The following DNAH12 variants were observed in gnomAD, a reference collection of about 807,000 sequenced individuals.
The protein encoded by DNAH12 is dynein axonemal heavy chain 12, also known as axonemal beta dynein heavy chain 12.
DNAH12 carries 285 observed loss-of-function variants against 371.5 expected under a neutral mutation model. The observed-to-expected ratio is 0.77, with a 90% CI of 0.70 to 0.85. The LOEUF is 0.85. DNAH12 is among the 40% of genes least tolerant of loss of function. The pLI is 0.00. For synonymous variants in DNAH12, 1,200 were observed against 1,213.0 expected (o/e 0.99, Z 0.22); for missense variants, 3,611 against 3,689.4 (o/e 0.98, Z 0.55).
chr3:57,349,219 T>C (rs1168715118), intron 60 of DNAH12, among the ~76,000 whole-genome samples: 2 of 152,232 alleles, frequency 1.3e-5, no homozygotes, highest in African/African-American at 4.8e-5. Flanking sequence ...AACAAGCATA[T>C]GGAAAAATGC....
At chr3:57,361,465 T>TATAC (rs2062933599) in intron 58 of DNAH12, among the ~76,000 whole-genome samples, 2 of 141,134 alleles carry the variant, frequency 1.4e-5, no homozygotes, top group African/African-American at 5.8e-5. Flanking sequence ...TATATATATA[T>TATAC]ATATATCTCA....
chr3:57,512,219 T>A (rs1002813557), intron 4 of DNAH12, among the ~76,000 whole-genome samples: 10 of 152,172 alleles, frequency 6.6e-5, no homozygotes, highest in Non-Finnish European at 1.5e-4. Flanking sequence ...TTAAGGACAT[T>A]ATGCTAAGTG....
chr3:57,441,205 G>A (rs931616347), intron 29 of DNAH12, among the ~76,000 whole-genome samples: 1 of 152,022 alleles, frequency 6.6e-6, no homozygotes, highest in African/African-American at 2.4e-5. Context: ...GCAGAAAAGA[G>A]AACTCTCTAA....
intron 12 of DNAH12, among the ~76,000 whole-genome samples, chr3:57,487,597 C>T (rs1315744842): frequency 6.6e-6 from 1 of 151,994 alleles, no homozygotes; most frequent in Non-Finnish European, 1.5e-5. Context: ...CTAAACCAAA[C>T]GGTGAAGTAA....
intron 73 of DNAH12, among the ~76,000 whole-genome samples, 196 bp downstream of exon 73, chr3:57,295,329 G>A (rs1217970759): frequency 1.3e-5 from 2 of 151,986 alleles, no homozygotes; most frequent in Non-Finnish European, 2.9e-5. Flanking sequence ...AAGCAGCATG[G>A]TATTCCCAAA....
chr3:57,551,693 T>G, the DNAH12 span, among the ~76,000 whole-genome samples: 1 of 152,160 alleles, frequency 6.6e-6, no homozygotes, highest in Non-Finnish European at 1.5e-5. Flanking sequence ...TTTATATCAG[T>G]ATTTGCAGAC....
At chr3:57,478,230 G>A (rs913657424) in intron 13 of DNAH12, among the ~76,000 whole-genome samples, 4 of 152,122 alleles carry the variant, frequency 2.6e-5, no homozygotes, top group Non-Finnish European at 5.9e-5. Flanking sequence ...AGTCCTTAAA[G>A]GACCTGATGG....
At chr3:57,321,769 C>G (rs991947812) in intron 65 of DNAH12, among the ~76,000 whole-genome samples, 6 of 152,164 alleles carry the variant, frequency 3.9e-5, no homozygotes, top group African/African-American at 1.4e-4. Flanking sequence ...GGTTACCATA[C>G]ATTTATACTT....
chr3:57,461,727 G>A, intron 18 of DNAH12, 38 bp from the exon 19 acceptor site: 1 of 1,493,890 alleles, frequency 6.7e-7, no homozygotes, highest in Non-Finnish European at 9.1e-7. Flanking sequence ...GGATGGTGAA[G>A]AAAGGATCTT....
intron 11 of DNAH12, among the ~76,000 whole-genome samples, chr3:57,499,462 C>T (rs1051561674): frequency 6.7e-6 from 1 of 148,522 alleles, no homozygotes; most frequent in African/African-American, 2.5e-5. Flanking sequence ...TAGCAAAATC[C>T]TAGAATGTAG....
chr3:57,499,824 T>C (rs112095454), intron 11 of DNAH12, among the ~76,000 whole-genome samples: 1,510 of 145,038 alleles, frequency 0.01, 18 homozygotes, highest in African/African-American at 0.036. Flanking sequence ...GGCAAGAGAG[T>C]GAGACCCTGT....
At chr3:57,501,061 A>G (rs912068660) in intron 11 of DNAH12, among the ~76,000 whole-genome samples, 6 of 152,252 alleles carry the variant, frequency 3.9e-5, no homozygotes, top group Non-Finnish European at 8.8e-5. Flanking sequence ...GATTACAGGC[A>G]TGAGCCACCA....
chr3:57,521,806 G>A (rs1177020894), intron 4 of DNAH12, among the ~76,000 whole-genome samples: 2 of 152,138 alleles, frequency 1.3e-5, no homozygotes, highest in Non-Finnish European at 2.9e-5. Context: ...AGAATCGCTT[G>A]AACCCGGGAG....
intron 4 of DNAH12, among the ~76,000 whole-genome samples, chr3:57,518,137 A>T (rs986419029): frequency 4.6e-5 from 7 of 152,168 alleles, no homozygotes. Context: ...AACAGCTGTT[A>T]CATTTTACTG....
chr3:57,479,631 C>T (rs764819215), intron 13 of DNAH12, among the ~76,000 whole-genome samples: 3 of 152,156 alleles, frequency 2.0e-5, no homozygotes, highest in Non-Finnish European at 2.9e-5. Context: ...CTTCTCAGCA[C>T]CACACAGCAC....
chr3:57,503,092 C>A (rs1360033778), intron 9 of DNAH12, among the ~76,000 whole-genome samples: 2 of 152,258 alleles, frequency 1.3e-5, no homozygotes, highest in Middle Eastern at 3.4e-3. Flanking sequence ...TGTAGTCTAA[C>A]ATAAAACAAG....
intron 11 of DNAH12, among the ~76,000 whole-genome samples, chr3:57,494,575 C>A: frequency 6.6e-6 from 1 of 151,588 alleles, no homozygotes; most frequent in Non-Finnish European, 1.5e-5. Context: ...CAAAACAAAA[C>A]AAAACATTGT....
At chr3:57,343,661 A>T (rs2062461781) in intron 60 of DNAH12, among the ~76,000 whole-genome samples, 1 of 152,164 alleles carries the variant, frequency 6.6e-6, no homozygotes, top group Admixed American at 6.5e-5. Flanking sequence ...GTGGATTAGT[A>T]AAAGGGGAAA....
At chr3:57,301,712 AC>A in intron 70 of DNAH12, 22 bp downstream of exon 70, 1 of 1,532,188 alleles carries the variant, frequency 6.5e-7, no homozygotes, top group Non-Finnish European at 8.8e-7. Context: ...ACACACACAC[AC>A]ACACACACAC....
Sources: gnomAD v4.1 joint callset for allele counts (sites outside exome capture counted in the v4.1 genomes callset) on GRCh38, gnomAD v4.1.1 for gene constraint, MANE v1.5 for transcripts, NCBI Gene and HGNC (gene_info 2026-07-23, HGNC 2026-07-21) for gene names.